The following ACYP2 variants were observed in gnomAD, a reference collection of about 807,000 sequenced individuals.
The protein encoded by ACYP2 is acylphosphatase 2, also known as acylphosphatase-2.
A neutral mutation model predicts 11.2 loss-of-function variants in ACYP2; 12 were observed. The observed-to-expected ratio is 1.08, with a 90% confidence interval of 0.69 to 1.74. ACYP2 has a LOEUF of 1.74. Among genes scored for constraint, ACYP2 ranks in the 40% most tolerant of loss-of-function variants. The pLI, the probability that ACYP2 is intolerant of heterozygous loss-of-function variation, is 0.00. For missense variants in ACYP2, 134 were observed against 101.9 expected, an observed-to-expected ratio of 1.31 and a Z score of -1.35; for synonymous variants, 43 against 32.2, an observed-to-expected ratio of 1.33 and a Z score of -1.13.
Position 54,304,896 on chromosome 2 carries a change from G to T in ACYP2, c.*94G>T. ...TAATAGTAGCAGAGTAGGGTGAAAA[G>T]GAACTTTCTGTTCTGAAAGCTAAGC... On this transcript the variant is annotated 3_prime_UTR_variant, in exon 7 of 7. Transcript: ENST00000607452. 1 of 603,624 alleles carries T rather than the reference G, an allele frequency of 1.7e-6. No homozygotes were observed. Among genetic ancestry groups the T allele is most frequent in the African/African-American group, 1.9e-5 (1 of 53,490 alleles). The allele number at this position is 603,624 out of a possible 1,614,324, so 37.4% of individuals were successfully genotyped here. A position where few individuals can be genotyped will look rare whatever the true frequency, so the allele number is the denominator to read the frequency against.
At chr2:54,278,824 G>A (rs1688726409) in intron 6 of ACYP2, among the ~76,000 whole-genome samples, 1 of 151,980 alleles carries the variant, frequency 6.6e-6, no homozygotes, top group South Asian at 2.1e-4. Flanking sequence ...TTTATTTTTT[G>A]AAAGGAACTA....
intron 2 of ACYP2, among the ~76,000 whole-genome samples, chr2:53,991,829 T>C (rs918757183): frequency 6.6e-6 from 1 of 152,116 alleles, no homozygotes; most frequent in Non-Finnish European, 1.5e-5. Context: ...CTAAGTATGT[T>C]GTACAAGATG....
intron 2 of ACYP2, among the ~76,000 whole-genome samples, chr2:54,038,258 T>G (rs1675016122): frequency 6.6e-6 from 1 of 152,156 alleles, no homozygotes; most frequent in Non-Finnish European, 1.5e-5. Context: ...TTCTCCAAGA[T>G]TCACATTAAG....
chr2:54,150,650 G>T (rs1236284960), intron 6 of ACYP2, among the ~76,000 whole-genome samples: 3 of 152,088 alleles, frequency 2.0e-5, no homozygotes, highest in African/African-American at 4.8e-5. Context: ...TCCAATTCCT[G>T]ACCTGGGGTG....
chr2:54,020,815 A>G (rs1357435515), intron 2 of ACYP2, among the ~76,000 whole-genome samples: 6 of 152,244 alleles, frequency 3.9e-5, no homozygotes. Flanking sequence ...TTTTTTGAAT[A>G]GCATCTATGT....
Position 54,123,797 on chromosome 2 carries a change from A to G in ACYP2, c.278-11656A>G, listed in dbSNP as rs1055302833. Among the ~76,000 whole-genome samples the G allele has an allele frequency of 7.2e-5, 11 of 152,254 alleles. No homozygotes were observed. The South Asian group carries it at 2.3e-3, about 32-fold the overall frequency. On this transcript the variant is annotated intron_variant, in intron 4 of 6. Transcript: ENST00000607452. ...AAGGGTACCAGTGCAATACCCCGAC[A>G]TGGAGAAACCACTAACTCCCAGCCA...
intron 4 of ACYP2, among the ~76,000 whole-genome samples, chr2:54,121,164 T>A (rs1680134524): frequency 6.6e-6 from 1 of 152,186 alleles, no homozygotes. Flanking sequence ...AGAATTTTAT[T>A]GACTGACAGA....
At chr2:54,038,673 CTATATATATATATA>C (rs56817782) in intron 2 of ACYP2, among the ~76,000 whole-genome samples, 18 of 106,104 alleles carry the variant, frequency 1.7e-4, no homozygotes, top group East Asian at 2.7e-4. Context: ...TTATTGAATA[CTATATATATATATA>C]TATATATATA....
At chr2:53,977,592 G>C (rs903373692) in intron 2 of ACYP2, among the ~76,000 whole-genome samples, 10 of 151,982 alleles carry the variant, frequency 6.6e-5, no homozygotes, top group African/African-American at 2.4e-4. Flanking sequence ...AAAATTAGCT[G>C]GGTGTGGTGG....
chr2:54,019,965 C>T (rs184423882), intron 2 of ACYP2, among the ~76,000 whole-genome samples: 50 of 151,956 alleles, frequency 3.3e-4, no homozygotes, highest in Admixed American at 7.2e-4. Context: ...GTTTTTGAGA[C>T]GGAATCTCAC....
intron 6 of ACYP2, among the ~76,000 whole-genome samples, chr2:54,258,172 T>C (rs1273721166): frequency 6.6e-6 from 1 of 151,762 alleles, no homozygotes; most frequent in Non-Finnish European, 1.5e-5. Flanking sequence ...ATTAGAAAGT[T>C]ATAAGTGCTA....
intron 2 of ACYP2, among the ~76,000 whole-genome samples, chr2:53,991,649 C>G (rs1036821098): frequency 6.6e-6 from 1 of 152,134 alleles, no homozygotes; most frequent in Non-Finnish European, 1.5e-5. Context: ...AGGTGATCCA[C>G]CTGCCTCAGT....
intron 6 of ACYP2, among the ~76,000 whole-genome samples, chr2:54,178,388 C>T (rs1683562347): frequency 6.6e-6 from 1 of 152,216 alleles, no homozygotes; most frequent in East Asian, 1.9e-4. Flanking sequence ...TTGTTCTGAT[C>T]CACCTGATTT....
At chr2:54,004,404 C>CTTTTTTTTTT (rs1168703943) in intron 2 of ACYP2, among the ~76,000 whole-genome samples, 2 of 92,060 alleles carry the variant, frequency 2.2e-5, no homozygotes, top group African/African-American at 4.9e-5. Context: ...GTAGTTTAGC[C>CTTTTTTTTTT]TTTTTTTTTT....
intron 6 of ACYP2, chr2:54,255,469 C>G: frequency 6.2e-7 from 1 of 1,614,054 alleles, no homozygotes; most frequent in Non-Finnish European, 8.5e-7. Flanking sequence ...CCCAAACCTG[C>G]GCTCCACCTG....
chr2:54,240,749 A>G (rs1381610704), intron 6 of ACYP2, among the ~76,000 whole-genome samples: 1 of 152,176 alleles, frequency 6.6e-6, no homozygotes, highest in East Asian at 1.9e-4. Context: ...ATAGAGAACT[A>G]AGAGTCAGGA....
chr2:54,259,221 T>C (rs1472753341), intron 6 of ACYP2, among the ~76,000 whole-genome samples: 1 of 152,208 alleles, frequency 6.6e-6, no homozygotes, highest in African/African-American at 2.4e-5. Flanking sequence ...TTGTCTCTCT[T>C]TTTTAACATA....
chr2:54,276,279 C>G (rs145845757), intron 6 of ACYP2, among the ~76,000 whole-genome samples: 1 of 152,154 alleles, frequency 6.6e-6, no homozygotes, highest in Non-Finnish European at 1.5e-5. Flanking sequence ...AAAAGTCTCT[C>G]ACTCAAAATG....
intron 6 of ACYP2, among the ~76,000 whole-genome samples, chr2:54,215,475 A>G (rs1471782376): frequency 6.6e-6 from 1 of 152,198 alleles, no homozygotes; most frequent in African/African-American, 2.4e-5. Context: ...GAACTTAAAA[A>G]TACATTTTAT....
Sources: allele counts gnomAD v4.1 joint callset (sites outside exome capture counted in the v4.1 genomes callset), GRCh38; gene constraint gnomAD v4.1.1; transcripts MANE v1.5; gene names NCBI Gene and HGNC (gene_info 2026-07-23, HGNC 2026-07-21).